PSME4: variants seen among roughly 807,000 people sequenced by gnomAD.
PSME4 encodes proteasome activator subunit 4.
Under a neutral mutation model 253.9 loss-of-function variants are expected in PSME4, and 89 were observed. The ratio of observed to expected loss-of-function variants is 0.35; its 90% CI spans 0.30 to 0.42. PSME4 has a LOEUF of 0.42. PSME4 is among the 10% of genes least tolerant of loss of function. The pLI is 1.00. For synonymous variants in PSME4, 851 were observed against 759.2 expected (o/e 1.12, Z -1.99); for missense variants, 2,014 against 2,195.2 (o/e 0.92, Z 1.65).
chr2:53,927,673 G>A (rs555643828), intron 11 of PSME4, among the ~76,000 whole-genome samples, 190 bp from the exon 12 acceptor site: 20 of 152,276 alleles, frequency 1.3e-4, no homozygotes, highest in South Asian at 1.0e-3. Flanking sequence ...TCGGCCGAGC[G>A]CAGTGGCTCA....
intron 3 of PSME4, among the ~76,000 whole-genome samples, chr2:53,944,716 C>G (rs1387527229): frequency 2.0e-5 from 3 of 152,058 alleles, no homozygotes; most frequent in Non-Finnish European, 4.4e-5. Flanking sequence ...GCCACATGTG[C>G]CAAGAAACCC....
chr2:53,903,892 T>A (rs1680526317), intron 27 of PSME4, 133 bp downstream of exon 27: 3 of 721,498 alleles, frequency 4.2e-6, no homozygotes, highest in South Asian at 4.8e-5. Context: ...AGATATGCGA[T>A]AAAGCAAATA....
rs375084770 is a variant in PSME4 at position 53,906,916 on chromosome 2, C to A, written c.2785-48G>T. On this transcript the variant is annotated intron_variant, in intron 24 of 46. Coordinates refer to ENST00000404125, the MANE Select transcript of PSME4 (RefSeq NM_014614.3). Reference sequence around the variant, plus strand: ...ATACTTCAACATTTTCCCTAAATGACTTCAACAATGGATGCCTCTAAATAC... The same window carrying A: ...ATACTTCAACATTTTCCCTAAATGAATTCAACAATGGATGCCTCTAAATAC... 3.8e-5 allele frequency: 59 copies of A among 1,557,006 alleles called. 1 individual carries two copies. Among genetic ancestry groups the A allele is most frequent in the East Asian group, 2.7e-4 (12 of 44,580 alleles).
At chr2:53,921,606 C>A (rs1178197598) in intron 17 of PSME4, among the ~76,000 whole-genome samples, 3 of 146,976 alleles carry the variant, frequency 2.0e-5, no homozygotes, top group East Asian at 4.2e-4. Flanking sequence ...CGGTGGCTCA[C>A]GCCTGTAATC....
intron 41 of PSME4, among the ~76,000 whole-genome samples, chr2:53,883,492 G>T (rs79320185): frequency 6.6e-6 from 1 of 152,006 alleles, no homozygotes; most frequent in African/African-American, 2.4e-5. Flanking sequence ...AAAAAGCGGT[G>T]GGGGGGTGCG....
At position 53,966,968 on chromosome 2, in the gene PSME4, G is replaced by A. The variant is rs1275066507; in HGVS notation, c.242+3575C>T. On this transcript the variant is annotated intron_variant, in intron 1 of 46. Coordinates refer to ENST00000404125, the MANE Select transcript of PSME4 (RefSeq NM_014614.3). ...CTGCCTCGGCCTCCCAAAGTGCTGG[G>A]ATTACAGGCATAACAAAATCAAGTT... 2.0e-5 allele frequency among the ~76,000 whole-genome samples: 3 copies of A among 152,280 alleles called. No individual in the cohort carries two copies. In the South Asian group the frequency reaches 6.2e-4, roughly 32 times the overall value.
intron 1 of PSME4, among the ~76,000 whole-genome samples, chr2:53,969,562 G>C (rs1442144454): frequency 1.3e-5 from 2 of 152,084 alleles, no homozygotes; most frequent in Non-Finnish European, 2.9e-5. Flanking sequence ...CATGTTACTA[G>C]ATTTTATGTA....
intron 1 of PSME4, among the ~76,000 whole-genome samples, chr2:53,969,962 T>C (rs1670967046): frequency 6.6e-6 from 1 of 152,162 alleles, no homozygotes; most frequent in South Asian, 2.1e-4. Context: ...GAATGAGGTC[T>C]GACTTTAAAC....
chr2:53,944,572 G>A (rs1293928231), intron 3 of PSME4, among the ~76,000 whole-genome samples: 1 of 152,076 alleles, frequency 6.6e-6, no homozygotes, highest in East Asian at 1.9e-4. Context: ...AATAATCGTG[G>A]TTTACAACCA....
rs1668846036 is a variant in PSME4 at position 53,931,848 on chromosome 2, G to C, written c.1303C>G (p.Pro435Ala). The C allele has an allele frequency of 6.2e-7, 1 of 1,614,118 alleles. No homozygotes were observed. Among genetic ancestry groups the C allele is most frequent in the Non-Finnish European group, 8.5e-7 (1 of 1,180,008 alleles). Residue 435 changes from proline to alanine, a missense_variant, in exon 10 of 47, where the codon CCT becomes GCT. Coordinates refer to ENST00000404125, the MANE Select transcript of PSME4 (RefSeq NM_014614.3). ...CTAACCACTTACCTTTCAAGTACAG[G>C]GGGTATTACCAATTCAGGTCTCATG... ...ALMRPELVIP[P>A]VLERTYPALE...
At position 53,912,206 on chromosome 2, in the gene PSME4, T is replaced by C. The variant is rs1410084485; in HGVS notation, c.2517-2076A>G. Among the ~76,000 whole-genome samples the C allele has an allele frequency of 3.3e-5, 5 of 152,130 alleles. No individual in the cohort carries two copies. In the East Asian group the frequency reaches 5.8e-4, roughly 18 times the overall value. On this transcript the variant is annotated intron_variant, in intron 20 of 46. Transcript: ENST00000404125. ...TAGCCAGATGAGAAATCTACACATA[T>C]GGAGGGCTGACTTTTCCTGTATGTG...
chr2:53,908,848 G>T lies in PSME4; in HGVS notation c.2573-8C>A. 6.3e-7 allele frequency: 1 copy of T among 1,585,698 alleles called. No homozygotes were observed. The stretch of plus-strand genomic sequence containing the variant: ...GGTTCTCTCGAGACAGATCTATTTT[G>T]AAAAAATAAAAGAAGGTATTTTAGA... On this transcript the variant is annotated splice_region_variant and splice_polypyrimidine_tract_variant and intron_variant, in intron 21 of 46. Coordinates refer to ENST00000404125, the MANE Select transcript of PSME4 (RefSeq NM_014614.3).
At chr2:53,962,344 C>A (rs1573384082) in intron 1 of PSME4, among the ~76,000 whole-genome samples, 1 of 111,138 alleles carries the variant, frequency 9.0e-6, no homozygotes. Context: ...TCCCAGGTTC[C>A]ATAAGAAAAA....
In PSME4 at chr2:53,925,650, T is replaced by C. The variant is rs376325681; in HGVS notation, c.1698A>G (p.Thr566=). Residue 566 remains threonine (T), a synonymous_variant, in exon 14 of 47, where the codon ACA becomes ACG. Transcript: ENST00000404125. Reference sequence around the variant, plus strand: ...TTTTCTCAGTTTCTGTCTCTTCTCTTGTTTGCTCCAATGTGCTACTTTCTA... The same window carrying C: ...TTTTCTCAGTTTCTGTCTCTTCTCTCGTTTGCTCCAATGTGCTACTTTCTA... ...GLIESSTLEQ[T]REETETEKMT... 6 of 1,611,066 alleles carry C rather than the reference T, an allele frequency of 3.7e-6. No homozygotes were observed. The highest frequency in any genetic ancestry group is 5.1e-6 in the Non-Finnish European group (6 of 1,177,482).
chr2:53,869,280 G>C (rs1450972658), intron 44 of PSME4, 96 bp downstream of exon 44: 4 of 1,227,956 alleles, frequency 3.3e-6, no homozygotes, highest in Non-Finnish European at 4.5e-6. Flanking sequence ...ATAGACCTGG[G>C]CACATACATA....
intron 20 of PSME4, among the ~76,000 whole-genome samples, chr2:53,918,112 C>T (rs1668139509): frequency 6.6e-6 from 1 of 152,084 alleles, no homozygotes; most frequent in African/African-American, 2.4e-5. Flanking sequence ...CATTTTGAAA[C>T]CACTTCTTGA....
chr2:53,894,368 G>A (rs1466889301), intron 34 of PSME4, among the ~76,000 whole-genome samples: 1 of 152,060 alleles, frequency 6.6e-6, no homozygotes, highest in Non-Finnish European at 1.5e-5. Flanking sequence ...CCTTCCTCGG[G>A]TCGGGTAATT....
At chr2:53,870,381 T>G (rs1190186754) in intron 43 of PSME4, 2 of 149,280 alleles carry the variant, frequency 1.3e-5, no homozygotes, top group Non-Finnish European at 1.5e-5. Context: ...TCGTTTTTTT[T>G]TTTTTTTTTT....
At chr2:53,963,586 T>A (rs1311683988) in intron 1 of PSME4, among the ~76,000 whole-genome samples, 1 of 152,202 alleles carries the variant, frequency 6.6e-6, no homozygotes, top group Non-Finnish European at 1.5e-5. Context: ...CAGGATTGAG[T>A]CTAAGTCTTC....
Sources: gnomAD v4.1 joint callset for allele counts (sites outside exome capture counted in the v4.1 genomes callset) on GRCh38, gnomAD v4.1.1 for gene constraint, MANE v1.5 for transcripts, NCBI Gene and HGNC (gene_info 2026-07-23, HGNC 2026-07-21) for gene names.